CSTF1: variants seen among roughly 807,000 people sequenced by gnomAD.
The protein encoded by CSTF1 is cleavage stimulation factor subunit 1, also known as CF-1 50 kDa subunit.
A neutral mutation model predicts 40.9 loss-of-function variants in CSTF1; 2 were observed. The ratio of observed to expected loss-of-function variants is 0.05; its 90% CI spans 0.02 to 0.15. The LOEUF (loss-of-function observed/expected upper bound fraction) is 0.15, where lower values mean the gene tolerates loss of function less well. Ranked by LOEUF, CSTF1 falls within the 10% of genes least tolerant of loss-of-function variation. CSTF1 has a pLI of 1.00. For synonymous variants in CSTF1, 218 were observed against 207.2 expected (o/e 1.05, Z -0.45); for missense variants, 279 against 558.9 (o/e 0.50, Z 5.05).
intron 5 of CSTF1, 106 bp from the exon 6 acceptor site, chr20:56,403,362 G>C: frequency 2.3e-6 from 3 of 1,294,942 alleles, no homozygotes; most frequent in Non-Finnish European, 3.3e-6. Flanking sequence ...AGTGTACAAG[G>C]TGTATCACTG....
Position 56,397,799 on chromosome 20 carries a change from T to G in CSTF1, c.603T>G (p.Asp201Glu), listed in dbSNP as rs1987559970. The change falls in exon 4 of 6, where the codon GAT (aspartate) becomes GAG (glutamate). Residue 201 changes from aspartate (D) to glutamate (E), a missense_variant. Asp to Glu is a conservative substitution (Grantham distance 45). Transcript: ENST00000217109. This position sits in a 1 kb window ranked among gnomAD's most constrained non-coding sequence, Gnocchi z 4.4. ...GGGATTATACTCTTAAATTATTTGA[T>G]TATTCCAAACCATCAGCAAAAAGAG... is the stretch of plus-strand genomic sequence containing the variant. ...GSRDYTLKLFDYSKPSAKRAF... is the reference protein window; with the variant it reads ...GSRDYTLKLFEYSKPSAKRAF... The G allele has an allele frequency of 1.2e-6, 2 of 1,614,040 alleles. No individual in the cohort carries two copies. Among genetic ancestry groups the G allele is most frequent in the Non-Finnish European group, 1.7e-6 (2 of 1,179,976 alleles).
chr20:56,393,529 G>GA (rs902741991), intron 1 of CSTF1, among the ~76,000 whole-genome samples: 5 of 151,770 alleles, frequency 3.3e-5, no homozygotes, highest in African/African-American at 1.2e-4. Context: ...GTCCATGGGA[G>GA]AAAAACGATA....
intron 1 of CSTF1, among the ~76,000 whole-genome samples, chr20:56,393,207 G>T (rs1183454247): frequency 6.6e-6 from 1 of 151,720 alleles, no homozygotes; most frequent in Admixed American, 6.6e-5. Context: ...CCCGGGATGT[G>T]CTCAGCAGAA....
chr20:56,394,581 C>T (rs1034544716), intron 1 of CSTF1, among the ~76,000 whole-genome samples: 6 of 151,970 alleles, frequency 3.9e-5, no homozygotes, highest in Non-Finnish European at 8.8e-5. Context: ...AGCGAGACTC[C>T]GTCTCAAAAA....
intron 4 of CSTF1, among the ~76,000 whole-genome samples, chr20:56,398,683 T>C (rs1978332438): frequency 6.6e-6 from 1 of 152,246 alleles, no homozygotes; most frequent in African/African-American, 2.4e-5. Flanking sequence ...AATGTGTCAT[T>C]GTCTGATAAT....
rs375189205 is a variant in CSTF1 at position 56,395,832 on chromosome 20, G to A, written c.169+111G>A. On this transcript the variant is annotated intron_variant, in intron 2 of 5. Coordinates refer to ENST00000217109, the MANE Select transcript of CSTF1 (RefSeq NM_001324.3). ...TTGTTTCAGTACCTAGTATGAGCCGGGTACTTCAGTAAGTAAGTAGTTCAG... is the reference window on the plus strand; with the variant it reads ...TTGTTTCAGTACCTAGTATGAGCCGAGTACTTCAGTAAGTAAGTAGTTCAG... 307 of 1,155,566 alleles carry A rather than the reference G, an allele frequency of 2.7e-4. No individual in the cohort carries two copies. The African/African-American group carries it at 4.2e-3, about 16-fold the overall frequency. The allele number at this position is 1,155,566 out of a possible 1,614,324, so 71.6% of individuals were successfully genotyped here.
Position 56,395,896 on chromosome 20 carries a change from G to A in CSTF1, c.169+175G>A, listed in dbSNP as rs573794659. The stretch of plus-strand genomic sequence containing the variant: ...AGTAGCTCAGTAAGTAAGGGGTAAA[G>A]CAAAGTTCAGATTATGAAGACCTTA... On this transcript the variant is annotated intron_variant, in intron 2 of 5. Transcript: ENST00000217109. 3,785 of 630,668 alleles carry A rather than the reference G, an allele frequency of 6.0e-3. 51 individuals are homozygous for A. The highest frequency in any genetic ancestry group is 0.028 in the South Asian group (1,344 of 47,256). 39.1% of individuals were successfully genotyped at this position (630,668 alleles called of 1,614,324 possible).
At chr20:56,400,418 G>C (rs953744816) in intron 5 of CSTF1, among the ~76,000 whole-genome samples, 19 of 152,086 alleles carry the variant, frequency 1.2e-4, no homozygotes, top group African/African-American at 4.6e-4. Flanking sequence ...TGTGTTTGTT[G>C]CAAAAAGAAG....
intron 1 of CSTF1, among the ~76,000 whole-genome samples, chr20:56,393,117 A>AATAT (rs150366258): frequency 0.32 from 47,161 of 147,976 alleles, 8,891 homozygotes; most frequent in Non-Finnish European, 0.42. Flanking sequence ...GGCCACTTAA[A>AATAT]ATATATATAT....
At chr20:56,403,446 T>C (rs773907698) in intron 5 of CSTF1, 22 bp from the exon 6 acceptor site, 1 of 1,612,452 alleles carries the variant, frequency 6.2e-7, no homozygotes, top group Admixed American at 1.7e-5. Context: ...TAGAAAGCTA[T>C]CCCTCTTGCT....
Position 56,403,845 on chromosome 20 carries a change from C to T in CSTF1, c.*118C>T. On this transcript the variant is annotated 3_prime_UTR_variant, in exon 6 of 6. Coordinates refer to ENST00000217109, the MANE Select transcript of CSTF1 (RefSeq NM_001324.3). ...GACGTTTTGCTGCCACCTCTGTCCA[C>T]ATTCTTCTTGGATTTGTATAAAAGA... The T allele has an allele frequency of 9.9e-7, 1 of 1,007,996 alleles. No homozygotes were observed. The allele number at this position is 1,007,996 out of a possible 1,614,324, so 62.4% of individuals were successfully genotyped here. A position where few individuals can be genotyped will look rare whatever the true frequency, so the allele number is the denominator to read the frequency against.
chr20:56,398,967 G>C lies in CSTF1; in HGVS notation c.646G>C (p.Glu216Gln). Residue 216 changes from glutamate to glutamine, a missense_variant and splice_region_variant, in exon 5 of 6, where the codon GAA becomes CAA. Transcript: ENST00000217109. ...TGTATTAATGTCTCTGTCCCAACAG[G>C]AAGCTGAAATGTTACGTTCCATCTC... ...SAKRAFKYIQ[E>Q]AEMLRSISFH... is the part of the protein sequence containing the mutation. 1 of 1,597,064 alleles carries C rather than the reference G, an allele frequency of 6.3e-7. No homozygotes were observed.
rs6099130 is a variant in CSTF1 at position 56,394,286 on chromosome 20, G to T, written c.-32-1235G>T. ...TAACACCATCAGTGTCATACAGTGT[G>T]TAAGAAATCAGGCTCTGGGCCAGGC... On this transcript the variant is annotated intron_variant, in intron 1 of 5. Transcript: ENST00000217109. 8.8e-3 allele frequency among the ~76,000 whole-genome samples: 1,345 copies of T among 152,330 alleles called. 26 individuals are homozygous for T. Among genetic ancestry groups the T allele is most frequent in the African/African-American group, 0.03 (1,267 of 41,576 alleles).
intron 5 of CSTF1, 51 bp from the exon 6 acceptor site, chr20:56,403,417 A>C: frequency 6.2e-7 from 1 of 1,602,322 alleles, no homozygotes. Context: ...GAACGTTCTG[A>C]GGGTCTAAGA....
chr20:56,393,167 C>T (rs28403621), intron 1 of CSTF1, among the ~76,000 whole-genome samples: 2 of 13,920 alleles, frequency 1.4e-4, no homozygotes, highest in Non-Finnish European at 3.9e-4. Flanking sequence ...TATACACACA[C>T]ATATGTGTGT....
chr20:56,397,574 T>G lies in CSTF1; in HGVS notation c.448-70T>G, dbSNP rs11697071. 5.0e-6 allele frequency: 8 copies of G among 1,598,348 alleles called. No individual in the cohort carries two copies. The African/African-American group carries it at 1.1e-4, about 21-fold the overall frequency. ...ATGGTTGAAACCAGCTTTAGTTTGCTACAGTTGTGGATTGTGCACTTGGAT... is the reference window on the plus strand; with the variant it reads ...ATGGTTGAAACCAGCTTTAGTTTGCGACAGTTGTGGATTGTGCACTTGGAT... On this transcript the variant is annotated intron_variant, in intron 3 of 5. Coordinates refer to ENST00000217109, the MANE Select transcript of CSTF1 (RefSeq NM_001324.3). This position sits in a 1 kb window ranked among gnomAD's most constrained non-coding sequence, Gnocchi z 4.4.
rs565960052 is a variant in CSTF1 at position 56,404,945 on chromosome 20, G to C, written c.*1218G>C. 3 of 150,806 alleles carry C rather than the reference G, an allele frequency of 2.0e-5. 1 individual carries two copies. Among genetic ancestry groups the C allele is most frequent in the Admixed American group, 6.7e-5 (1 of 14,980 alleles). The allele number at this position is 150,806 out of a possible 1,614,324, so 9.3% of individuals were successfully genotyped here. A position where few individuals can be genotyped will look rare whatever the true frequency, so the allele number is the denominator to read the frequency against. On this transcript the variant is annotated 3_prime_UTR_variant, in exon 6 of 6. Coordinates refer to ENST00000217109, the MANE Select transcript of CSTF1 (RefSeq NM_001324.3). ...CTCCCAAAGTTTTGGGATTACAGGC[G>C]TGAGCCACCGCGCCCAGCCTTCCTG...
At chr20:56,401,394 T>G (rs2146247918) in intron 5 of CSTF1, among the ~76,000 whole-genome samples, 1 of 152,332 alleles carries the variant, frequency 6.6e-6, no homozygotes, top group East Asian at 1.9e-4. Context: ...GTTAATCAGA[T>G]TTCAGGAGTC....
chr20:56,403,759 A>T lies in CSTF1; in HGVS notation c.*32A>T. The T allele has an allele frequency of 6.3e-7, 1 of 1,580,824 alleles. No homozygotes were observed. Among genetic ancestry groups the T allele is most frequent in the Non-Finnish European group, 8.6e-7 (1 of 1,158,378 alleles). On this transcript the variant is annotated 3_prime_UTR_variant, in exon 6 of 6. Transcript: ENST00000217109. The stretch of plus-strand genomic sequence containing the variant: ...CTCTCCGTAGGGTTCTTTCTCGAGG[A>T]CTCTACCCTCCTCCCCCACGTCCTG...
Sources: allele counts gnomAD v4.1 joint callset (sites outside exome capture counted in the v4.1 genomes callset), GRCh38; gene constraint gnomAD v4.1.1; non-coding constraint Gnocchi (gnomAD v3.1); transcripts MANE v1.5; gene names NCBI Gene and HGNC (gene_info 2026-07-23, HGNC 2026-07-21).